Variants in TEAD1 observed in about 807,000 individuals in gnomAD.
TEAD1 encodes the protein transcriptional enhancer factor TEF-1.
A neutral mutation model predicts 54.9 loss-of-function variants in TEAD1; 9 were observed. The ratio of observed to expected loss-of-function variants is 0.16; its 90% CI spans 0.10 to 0.29. TEAD1 has a LOEUF of 0.29. Among genes scored for constraint, TEAD1 ranks in the 10% least tolerant of loss-of-function variants. TEAD1 has a pLI of 1.00. For synonymous variants in TEAD1, 200 were observed against 187.8 expected, an observed-to-expected ratio of 1.07 and a Z score of -0.53; for missense variants, 387 against 535.9, an observed-to-expected ratio of 0.72 and a Z score of 2.74.
At chr11:12,740,034 C>T (rs561788962) in intron 2 of TEAD1, among the ~76,000 whole-genome samples, 4 of 152,218 alleles carry the variant, frequency 2.6e-5, no homozygotes, top group South Asian at 2.1e-4. Context: ...TTGTAGGTGG[C>T]GAGGAAAGGC....
At chr11:12,696,518 G>A (rs1943586301) in intron 2 of TEAD1, among the ~76,000 whole-genome samples, 1 of 152,204 alleles carries the variant, frequency 6.6e-6, no homozygotes, top group African/African-American at 2.4e-5. Flanking sequence ...CAAGGGAATA[G>A]TCTCATTTCC....
intron 3 of TEAD1, among the ~76,000 whole-genome samples, chr11:12,819,392 T>C (rs1946485292): frequency 6.6e-6 from 1 of 152,044 alleles, no homozygotes; most frequent in Non-Finnish European, 1.5e-5. Flanking sequence ...ATTTAAACAG[T>C]CCATTTATGC....
chr11:12,701,732 G>A (rs1943706323), intron 2 of TEAD1, among the ~76,000 whole-genome samples: 1 of 152,182 alleles, frequency 6.6e-6, no homozygotes, highest in Admixed American at 6.5e-5. Context: ...GTGATGTACG[G>A]GAGGTGTGGG....
At chr11:12,904,209 A>G (rs1948475130) in intron 10 of TEAD1, among the ~76,000 whole-genome samples, 1 of 152,240 alleles carries the variant, frequency 6.6e-6, no homozygotes, top group South Asian at 2.1e-4. Flanking sequence ...GTTGAAAAAA[A>G]AAGTCCTTCA....
intron 3 of TEAD1, among the ~76,000 whole-genome samples, chr11:12,787,896 G>A (rs1945712224): frequency 6.6e-6 from 1 of 151,808 alleles, no homozygotes. Flanking sequence ...CTAATGAGTG[G>A]CAAATATTTT....
At chr11:12,782,156 A>G (rs1218836409) in intron 3 of TEAD1, among the ~76,000 whole-genome samples, 1 of 152,082 alleles carries the variant, frequency 6.6e-6, no homozygotes, top group Admixed American at 6.6e-5. Context: ...TTGTACATGG[A>G]TATTTATAGC....
At chr11:12,910,328 C>A (rs560091504) in intron 10 of TEAD1, among the ~76,000 whole-genome samples, 3 of 152,276 alleles carry the variant, frequency 2.0e-5, no homozygotes, top group South Asian at 4.2e-4. Context: ...TTTGGAGGGG[C>A]CTCAGAATTC....
chr11:12,872,353 C>T (rs1374794638), intron 5 of TEAD1, among the ~76,000 whole-genome samples: 1 of 152,192 alleles, frequency 6.6e-6, no homozygotes, highest in Non-Finnish European at 1.5e-5. Context: ...TTGTCTGTGT[C>T]CACACCAAGA....
intron 3 of TEAD1, among the ~76,000 whole-genome samples, chr11:12,802,744 C>T (rs1009196976): frequency 8.5e-5 from 13 of 152,154 alleles, no homozygotes; most frequent in Non-Finnish European, 1.8e-4. Flanking sequence ...AGCGATGTGC[C>T]GATTGCGCAA....
chr11:12,727,039 A>C (rs1590089103), intron 2 of TEAD1, among the ~76,000 whole-genome samples: 1 of 152,064 alleles, frequency 6.6e-6, no homozygotes, highest in East Asian at 1.9e-4. Context: ...CAGGAGTTCA[A>C]GACCAGCCAG....
chr11:12,856,303 AT>A (rs1187682357), intron 3 of TEAD1, among the ~76,000 whole-genome samples: 1 of 152,148 alleles, frequency 6.6e-6, no homozygotes, highest in Admixed American at 6.5e-5. Flanking sequence ...CAAGGACTTT[AT>A]GACTTGGTTG....
chr11:12,855,753 G>C (rs866198697), intron 3 of TEAD1, among the ~76,000 whole-genome samples: 3 of 151,878 alleles, frequency 2.0e-5, no homozygotes, highest in Non-Finnish European at 2.9e-5. Flanking sequence ...AGACTAGCCT[G>C]GGCAGCATAG....
chr11:12,736,932 T>C (rs1944544713), intron 2 of TEAD1, among the ~76,000 whole-genome samples: 1 of 152,166 alleles, frequency 6.6e-6, no homozygotes, highest in Non-Finnish European at 1.5e-5. Flanking sequence ...GAAACAAAAA[T>C]GGTGTTAGAA....
intron 3 of TEAD1, among the ~76,000 whole-genome samples, chr11:12,836,910 T>C (rs1241116911): frequency 6.6e-6 from 1 of 152,214 alleles, no homozygotes; most frequent in Non-Finnish European, 1.5e-5. Flanking sequence ...CTTTGGAAAG[T>C]GTTGTATTAT....
chr11:12,677,372 T>TG (rs949344178), intron 2 of TEAD1, among the ~76,000 whole-genome samples: 3 of 152,084 alleles, frequency 2.0e-5, no homozygotes, highest in African/African-American at 7.2e-5. Context: ...GAGGGCAGCC[T>TG]GGGGGGAGTC....
rs1403393444 is a variant in TEAD1, at chr11:12,674,846, C to G, written c.-208+12C>G. On this transcript the variant is annotated intron_variant, in intron 1 of 12. Transcript: ENST00000527636. ...CTCCCTGGGCCGAGGTAAGTTGGCGCGCGGGGCGGATGCTGGGGTGCGGGG... is the reference window on the plus strand; with the variant it reads ...CTCCCTGGGCCGAGGTAAGTTGGCGGGCGGGGCGGATGCTGGGGTGCGGGG... The G allele has an allele frequency of 1.3e-5, 2 of 149,192 alleles. No individual in the cohort carries two copies. The highest frequency in any genetic ancestry group is 3.0e-5 in the Non-Finnish European group (2 of 67,026). 9.2% of individuals were successfully genotyped at this position (149,192 alleles called of 1,614,324 possible).
rs979555337 is a variant in TEAD1, at chr11:12,938,061, A to G, written c.*839A>G. The G allele has an allele frequency of 1.3e-5, 2 of 152,626 alleles. No individual in the cohort carries two copies. Among genetic ancestry groups the G allele is most frequent in the African/African-American group, 4.8e-5 (2 of 41,448 alleles). 9.5% of individuals were successfully genotyped at this position (152,626 alleles called of 1,614,324 possible). A position where few individuals can be genotyped will look rare whatever the true frequency, so the allele number is the denominator to read the frequency against. On this transcript the variant is annotated 3_prime_UTR_variant, in exon 13 of 13. Coordinates refer to ENST00000527636, the MANE Select transcript of TEAD1 (RefSeq NM_021961.6). The stretch of plus-strand genomic sequence containing the variant: ...AAAAGAAAAAATGGCTCTTTTTGCA[A>G]TAAGTAGATACATACTGAAAAAATC...
intron 3 of TEAD1, among the ~76,000 whole-genome samples, chr11:12,845,379 A>G (rs1213068289): frequency 6.6e-6 from 1 of 152,192 alleles, no homozygotes; most frequent in Non-Finnish European, 1.5e-5. Flanking sequence ...TCAAAGCACT[A>G]TCGTGTGTGT....
chr11:12,871,743 C>A (rs1947749360), intron 5 of TEAD1, among the ~76,000 whole-genome samples: 1 of 152,308 alleles, frequency 6.6e-6, no homozygotes, highest in Admixed American at 6.5e-5. Context: ...CTCTGGTTCA[C>A]TTCTCGAGTG....
Sources: allele counts gnomAD v4.1 joint callset (sites outside exome capture counted in the v4.1 genomes callset), GRCh38; gene constraint gnomAD v4.1.1; transcripts MANE v1.5; gene names NCBI Gene and HGNC (gene_info 2026-07-23, HGNC 2026-07-21).